Variants in KCNMA1 observed in about 807,000 individuals in gnomAD.
The protein encoded by KCNMA1 is Calcium-activated potassium channel subunit alpha-1.
A neutral mutation model predicts 140.0 loss-of-function variants in KCNMA1; 29 were observed. The ratio of observed to expected loss-of-function variants is 0.21; its 90% CI spans 0.15 to 0.28. The LOEUF is 0.28. Ranked by LOEUF, KCNMA1 falls within the 10% of genes least tolerant of loss-of-function variation. The probability of loss-of-function intolerance (pLI) is 1.00; values close to 1 mark genes in which losing one functional copy is unlikely to be tolerated. For missense variants in KCNMA1, 880 were observed against 1,602.2 expected (o/e 0.55, Z 7.70); for synonymous variants, 612 against 611.9 (o/e 1.00, Z 0.00).
At chr10:76,884,120 C>A (rs913183551), downstream of KCNMA1, 6 of 306,740 alleles carry the variant, frequency 2.0e-5, no homozygotes, top group Non-Finnish European at 2.4e-5. Context: ...GTATATAAAA[C>A]GCACTTCGGA....
At chr10:77,528,411 C>G (rs908730539) in intron 1 of KCNMA1, among the ~76,000 whole-genome samples, 2 of 152,040 alleles carry the variant, frequency 1.3e-5, no homozygotes, top group Non-Finnish European at 2.9e-5. Context: ...GAGTTTGAGA[C>G]CAGCCTGGCC....
rs750804948 is a variant in KCNMA1 at position 77,637,612 on chromosome 10, TGCCGCCGCCGCC to T, written c.19_30del (p.Gly7_Gly10del). The T allele has an allele frequency of 5.3e-6, 8 of 1,521,096 alleles. No individual in the cohort carries two copies. In the East Asian group the frequency reaches 2.0e-4, roughly 38 times the overall value. The allele number at this position is 1,521,096 out of a possible 1,614,324, so 94.2% of individuals were successfully genotyped here. On this transcript the variant is annotated inframe_deletion, in exon 1 of 28. Transcript: ENST00000286628. ...CCGCCGCCGCCGCCGCCGCCGCTGC[TGCCGCCGCCGCC>T]GCCGCCACCATTTGCCATAGCTAGC...
At chr10:77,079,858 G>A in intron 12 of KCNMA1, 2 of 437,504 alleles carry the variant, frequency 4.6e-6, no homozygotes, top group South Asian at 4.7e-5. Flanking sequence ...GATCATAGGG[G>A]ATTGAAATGC....
chr10:77,301,203 G>C (rs780961809), intron 2 of KCNMA1, among the ~76,000 whole-genome samples: 1 of 152,150 alleles, frequency 6.6e-6, no homozygotes, highest in Non-Finnish European at 1.5e-5. Flanking sequence ...CTGAGATAAA[G>C]AAAAAGACCT....
chr10:77,611,707 T>C (rs560223454), intron 1 of KCNMA1, among the ~76,000 whole-genome samples: 7 of 152,288 alleles, frequency 4.6e-5, no homozygotes, highest in Admixed American at 4.6e-4. Flanking sequence ...ACAGAAACTG[T>C]TCTACTGGTT....
At chr10:77,097,962 C>T (rs12773252) in intron 9 of KCNMA1, among the ~76,000 whole-genome samples, 3,417 of 152,306 alleles carry the variant, frequency 0.022, 59 homozygotes, top group South Asian at 0.052. Context: ...GCCCCAAGGT[C>T]AGAGGACAGA....
At chr10:77,155,213 C>A (rs1419702830) in intron 5 of KCNMA1, among the ~76,000 whole-genome samples, 1 of 152,136 alleles carries the variant, frequency 6.6e-6, no homozygotes, top group East Asian at 1.9e-4. Context: ...TTAAAAGATC[C>A]CTGCAAACAA....
At chr10:77,311,227 G>T (rs140701383) in intron 2 of KCNMA1, among the ~76,000 whole-genome samples, 81 of 152,332 alleles carry the variant, frequency 5.3e-4, no homozygotes, top group African/African-American at 1.9e-3. Context: ...GTTAGGGGAT[G>T]TCTGCTGCTC....
intron 3 of KCNMA1, among the ~76,000 whole-genome samples, chr10:77,202,178 T>C (rs1371757393): frequency 6.6e-6 from 1 of 152,210 alleles, no homozygotes; most frequent in African/African-American, 2.4e-5. Context: ...GTTATAGGTA[T>C]AATACTGTGT....
intron 25 of KCNMA1, among the ~76,000 whole-genome samples, chr10:76,895,423 T>G (rs997824195): frequency 5.9e-5 from 9 of 152,158 alleles, no homozygotes; most frequent in African/African-American, 2.2e-4. Context: ...GACCCAGAAA[T>G]TCCACTCTTA....
intron 5 of KCNMA1, among the ~76,000 whole-genome samples, chr10:77,174,996 T>C (rs2073841356): frequency 1.3e-5 from 2 of 152,126 alleles, no homozygotes; most frequent in Admixed American, 1.3e-4. Context: ...GGGATTCTAA[T>C]AAAAATTCGA....
chr10:77,254,253 G>A (rs758465049), intron 2 of KCNMA1, among the ~76,000 whole-genome samples: 12 of 140,668 alleles, frequency 8.5e-5, no homozygotes, highest in Non-Finnish European at 1.2e-4. Flanking sequence ...ACAGATCCTC[G>A]TTCTGTCGCC....
chr10:77,211,657 G>A (rs2154174540), intron 3 of KCNMA1, among the ~76,000 whole-genome samples: 1 of 152,102 alleles, frequency 6.6e-6, no homozygotes, highest in African/African-American at 2.4e-5. Context: ...TATCAACAAA[G>A]TAAAAAGACA....
chr10:76,914,911 C>T, intron 24 of KCNMA1, 25 bp downstream of exon 24: 1 of 1,512,028 alleles, frequency 6.6e-7, no homozygotes. Flanking sequence ...CAAAAACTCC[C>T]CCCAAAGCTG....
chr10:77,047,201 A>G (rs1455939618), intron 14 of KCNMA1, among the ~76,000 whole-genome samples: 2 of 152,248 alleles, frequency 1.3e-5, no homozygotes, highest in Non-Finnish European at 2.9e-5. Context: ...ATGGAATGCC[A>G]GAAAACTGGT....
chr10:77,008,005 G>A (rs1565507439), intron 18 of KCNMA1, among the ~76,000 whole-genome samples: 1 of 151,946 alleles, frequency 6.6e-6, no homozygotes, highest in Non-Finnish European at 1.5e-5. Flanking sequence ...CTGGCTCCAG[G>A]CTACTCTGTA....
At chr10:77,257,002 C>T (rs2060914413) in intron 2 of KCNMA1, among the ~76,000 whole-genome samples, 1 of 151,996 alleles carries the variant, frequency 6.6e-6, no homozygotes, top group Admixed American at 6.6e-5. Context: ...CCAGCTACTC[C>T]AGAGGGTGAG....
At chr10:77,136,746 AT>A (rs564695870) in intron 5 of KCNMA1, among the ~76,000 whole-genome samples, 167 of 152,272 alleles carry the variant, frequency 1.1e-3, no homozygotes, top group African/African-American at 3.9e-3. Context: ...TTTCTTTAAT[AT>A]TCTTGAGTTT....
At chr10:77,431,085 C>T (rs571484339) in intron 1 of KCNMA1, among the ~76,000 whole-genome samples, 20 of 152,316 alleles carry the variant, frequency 1.3e-4, no homozygotes, top group South Asian at 1.0e-3. Flanking sequence ...TCTTCACTTG[C>T]GCCAGTTCAG....
Sources: allele counts gnomAD v4.1 joint callset (sites outside exome capture counted in the v4.1 genomes callset), GRCh38; gene constraint gnomAD v4.1.1; transcripts MANE v1.5; gene names NCBI Gene and HGNC (gene_info 2026-07-23, HGNC 2026-07-21).